Variants in DPYSL2 observed in about 807,000 individuals in gnomAD.
DPYSL2 encodes dihydropyrimidinase-related protein 2.
A neutral mutation model predicts 69.9 loss-of-function variants in DPYSL2; 13 were observed. The ratio of observed to expected loss-of-function variants is 0.19; its 90% CI spans 0.12 to 0.30. DPYSL2 has a LOEUF of 0.30. DPYSL2 is among the 10% of genes least tolerant of loss of function. The probability of loss-of-function intolerance (pLI) is 1.00; values close to 1 mark genes in which losing one functional copy is unlikely to be tolerated. For missense variants in DPYSL2, 587 were observed against 918.9 expected, an observed-to-expected ratio of 0.64 and a Z score of 4.67; for synonymous variants, 326 against 359.1, an observed-to-expected ratio of 0.91 and a Z score of 1.04.
At chr8:26,589,813 C>T (rs1801683525) in intron 3 of DPYSL2, among the ~76,000 whole-genome samples, 1 of 152,242 alleles carries the variant, frequency 6.6e-6, no homozygotes, top group South Asian at 2.1e-4. Context: ...GCCTGCTCTC[C>T]AAGTACAGAG....
rs977623357 is a variant in DPYSL2 at position 26,653,768 on chromosome 8, G to A, written c.1942+371G>A. Among the ~76,000 whole-genome samples the A allele has an allele frequency of 7.9e-5, 12 of 152,060 alleles. No individual in the cohort carries two copies. Among genetic ancestry groups the A allele is most frequent in the Non-Finnish European group, 1.3e-4 (9 of 68,026 alleles). On this transcript the variant is annotated intron_variant, in intron 13 of 13. Transcript: ENST00000521913. This position sits in a 1 kb window ranked among gnomAD's most constrained non-coding sequence, Gnocchi z 5.7. ...AGACGGAGTATCACCATGTTGGCCA[G>A]GCTGATAGAACTCCTGACTTCAGGT...
rs1307244863 is a variant in DPYSL2 at position 26,654,786 on chromosome 8, G to C, written c.1943-829G>C. 6.6e-6 allele frequency among the ~76,000 whole-genome samples: 1 copy of C among 152,142 alleles called. No homozygotes were observed. The highest frequency in any genetic ancestry group is 1.9e-4 in the East Asian group (1 of 5,192). ...TAATAGATCCAACAACCTTTATACA[G>C]TGTCTGATTCTTTGGTTACCTTAGG... is the stretch of plus-strand genomic sequence containing the variant. On this transcript the variant is annotated intron_variant, in intron 13 of 13. Coordinates refer to ENST00000521913, the MANE Select transcript of DPYSL2 (RefSeq NM_001197293.3). The surrounding 1 kb of genome is among the most constrained non-coding windows in gnomAD (Gnocchi z 5.0).
At chr8:26,631,767 A>G (rs1802780271) in intron 7 of DPYSL2, among the ~76,000 whole-genome samples, 1 of 151,508 alleles carries the variant, frequency 6.6e-6, no homozygotes, top group East Asian at 1.9e-4. Flanking sequence ...TGAGGCGAGG[A>G]GGGGGGATGC....
rs780821178 is a variant in DPYSL2, at chr8:26,626,904, C to T, written c.855+226C>T. ...CCTGGATCTGAGGCTCTGCCCCGCA[C>T]GGCGTGTGTGGGAGCGGCACTCAGA... On this transcript the variant is annotated intron_variant, in intron 5 of 13. Transcript: ENST00000521913. The surrounding 1 kb of genome is among the most constrained non-coding windows in gnomAD (Gnocchi z 4.3). Among the ~76,000 whole-genome samples, 14 of 152,198 alleles carry T rather than the reference C, an allele frequency of 9.2e-5. No homozygotes were observed. Among genetic ancestry groups the T allele is most frequent in the Non-Finnish European group, 1.6e-4 (11 of 68,046 alleles).
intron 3 of DPYSL2, among the ~76,000 whole-genome samples, chr8:26,623,668 GC>G (rs1280614556): frequency 6.6e-6 from 1 of 152,214 alleles, no homozygotes; most frequent in Non-Finnish European, 1.5e-5. Flanking sequence ...AGAAATGTGA[GC>G]GGTAATGAGA....
chr8:26,635,102 T>C (rs564407304), intron 8 of DPYSL2, among the ~76,000 whole-genome samples: 1 of 152,346 alleles, frequency 6.6e-6, no homozygotes, highest in African/African-American at 2.4e-5. Flanking sequence ...CTTGTTAGTA[T>C]CTATTTAAAG....
intron 1 of DPYSL2, among the ~76,000 whole-genome samples, chr8:26,556,956 A>C (rs73226148): frequency 0.093 from 14,126 of 152,210 alleles, 861 homozygotes; most frequent in Middle Eastern, 0.17. Flanking sequence ...TAAAGGAACA[A>C]GGACAATTCA....
At chr8:26,550,034 T>G (rs1800847633) in intron 1 of DPYSL2, among the ~76,000 whole-genome samples, 2 of 152,200 alleles carry the variant, frequency 1.3e-5, no homozygotes, top group South Asian at 4.1e-4. Flanking sequence ...TTTTTAAGAT[T>G]CTTAATTGAC....
At chr8:26,600,442 A>G (rs1321343500) in intron 3 of DPYSL2, among the ~76,000 whole-genome samples, 1 of 152,142 alleles carries the variant, frequency 6.6e-6, no homozygotes, top group Non-Finnish European at 1.5e-5. Context: ...GTTTCTTCGC[A>G]TCCTTGCCAA....
intron 1 of DPYSL2, among the ~76,000 whole-genome samples, chr8:26,552,484 C>T (rs1429970534): frequency 1.3e-5 from 2 of 152,186 alleles, no homozygotes; most frequent in Non-Finnish European, 2.9e-5. Context: ...ATTGATGTCT[C>T]AGTCCATTTA....
rs1802432166 is a variant in DPYSL2, at chr8:26,619,436, G to A, written c.629-4707G>A. ...GTTTATAACCCCCGGAGCTGAATTT[G>A]GATATGCAAGGAAGCCATGGGATTG... On this transcript the variant is annotated intron_variant, in intron 3 of 13. Coordinates refer to ENST00000521913, the MANE Select transcript of DPYSL2 (RefSeq NM_001197293.3). This position sits in a 1 kb window ranked among gnomAD's most constrained non-coding sequence, Gnocchi z 4.8. The A allele has an allele frequency of 6.6e-6, 1 of 152,218 alleles. No individual in the cohort carries two copies. The highest frequency in any genetic ancestry group is 1.5e-5 in the Non-Finnish European group (1 of 68,056). 9.4% of individuals were successfully genotyped at this position (152,218 alleles called of 1,614,324 possible).
rs1398434518 is a variant in DPYSL2 at position 26,580,556 on chromosome 8, T to A, written c.355-1413T>A. ...AATGATCTTATTGGTTTTCAGTATG[T>A]TAGAGAGACAATAAATACTTTCTGA... On this transcript the variant is annotated intron_variant, in intron 1 of 13. Coordinates refer to ENST00000521913, the MANE Select transcript of DPYSL2 (RefSeq NM_001197293.3). This position sits in a 1 kb window ranked among gnomAD's most constrained non-coding sequence, Gnocchi z 4.1. Among the ~76,000 whole-genome samples the A allele has an allele frequency of 6.6e-6, 1 of 152,250 alleles. No homozygotes were observed. The highest frequency in any genetic ancestry group is 1.9e-4 in the East Asian group (1 of 5,206).
rs1355359487 is a variant in DPYSL2 at position 26,514,288 on chromosome 8, C to T, written c.-38C>T. 1.4e-6 allele frequency: 2 copies of T among 1,413,318 alleles called. No individual in the cohort carries two copies. Among genetic ancestry groups the T allele is most frequent in the Non-Finnish European group, 9.2e-7 (1 of 1,084,890 alleles). 87.5% of individuals were successfully genotyped at this position (1,413,318 alleles called of 1,614,324 possible). The stretch of plus-strand genomic sequence containing the variant: ...GGAGACTTAGGGACTGGCAGACGGA[C>T]GGACGGACGGCGAGGACCCTACCCG... On this transcript the variant is annotated 5_prime_UTR_variant, in exon 1 of 14. The change creates a new upstream start codon in the 5' untranslated region. Transcript: ENST00000521913. The surrounding 1 kb of genome is among the most constrained non-coding windows in gnomAD (Gnocchi z 8.4).
At chr8:26,578,555 A>C (rs747576408) in intron 1 of DPYSL2, 1 of 1,381,286 alleles carries the variant, frequency 7.2e-7, no homozygotes, top group African/African-American at 1.5e-5. Flanking sequence ...GACCCGGTCT[A>C]TCTTTTATTG....
At position 26,588,392 on chromosome 8, in the gene DPYSL2, CTG is replaced by C. The variant is rs1304206716; in HGVS notation, c.628+4411_628+4412del. On this transcript the variant is annotated intron_variant, in intron 3 of 13. Coordinates refer to ENST00000521913, the MANE Select transcript of DPYSL2 (RefSeq NM_001197293.3). The surrounding 1 kb of genome is among the most constrained non-coding windows in gnomAD (Gnocchi z 5.4). ...AAATCTGCTGGTGGGGTCTGTGACT[CTG>C]TATTCGAATCTGGTGCTTGGGGAGC... Among the ~76,000 whole-genome samples, 1 of 152,206 alleles carries C rather than the reference CTG, an allele frequency of 6.6e-6. No individual in the cohort carries two copies. Among genetic ancestry groups the C allele is most frequent in the African/African-American group, 2.4e-5 (1 of 41,442 alleles).
chr8:26,544,068 G>C (rs1361099864), intron 1 of DPYSL2, among the ~76,000 whole-genome samples: 1 of 60,984 alleles, frequency 1.6e-5, no homozygotes, highest in East Asian at 3.3e-4. Flanking sequence ...CAAAAGAACA[G>C]TCTTTTCTAT....
In DPYSL2 at chr8:26,621,476, G is replaced by T. The variant is rs911144145; in HGVS notation, c.629-2667G>T. ...TTGCTGCTTGACCTGATTGCAAGTG[G>T]AATGTGAGAGCCAGAAGGAAATATT... On this transcript the variant is annotated intron_variant, in intron 3 of 13. Coordinates refer to ENST00000521913, the MANE Select transcript of DPYSL2 (RefSeq NM_001197293.3). The surrounding 1 kb of genome is among the most constrained non-coding windows in gnomAD (Gnocchi z 4.9). 2.6e-5 allele frequency among the ~76,000 whole-genome samples: 4 copies of T among 152,180 alleles called. No individual in the cohort carries two copies. Among genetic ancestry groups the T allele is most frequent in the Non-Finnish European group, 4.4e-5 (3 of 68,038 alleles).
intron 3 of DPYSL2, among the ~76,000 whole-genome samples, chr8:26,613,921 C>T (rs754956684): frequency 6.6e-6 from 1 of 152,092 alleles, no homozygotes; most frequent in African/African-American, 2.4e-5. Context: ...CATTTGAGCC[C>T]AGGAGTTTGA....
intron 1 of DPYSL2, among the ~76,000 whole-genome samples, chr8:26,536,658 G>C (rs1800597507): frequency 6.6e-6 from 1 of 150,550 alleles, no homozygotes. Context: ...GTGACAGAGA[G>C]AGACTCCATC....
Sources: gnomAD v4.1 joint callset for allele counts (sites outside exome capture counted in the v4.1 genomes callset) on GRCh38, gnomAD v4.1.1 for gene constraint, Gnocchi (gnomAD v3.1) non-coding constraint, MANE v1.5 for transcripts, NCBI Gene and HGNC (gene_info 2026-07-23, HGNC 2026-07-21) for gene names.